The following FUT8 variants were observed in gnomAD, a reference collection of about 807,000 sequenced individuals.
The protein encoded by FUT8 is alpha-(1,6)-fucosyltransferase.
A neutral mutation model predicts 71.3 loss-of-function variants in FUT8; 29 were observed. The ratio of observed to expected loss-of-function variants is 0.41; its 90% CI spans 0.30 to 0.55. The LOEUF is 0.55. Among genes scored for constraint, FUT8 ranks in the 20% least tolerant of loss-of-function variants. FUT8 has a pLI of 0.34. For synonymous variants in FUT8, 254 were observed against 239.3 expected, an observed-to-expected ratio of 1.06 and a Z score of -0.57; for missense variants, 544 against 702.1, an observed-to-expected ratio of 0.77 and a Z score of 2.55.
intron 1 of FUT8, among the ~76,000 whole-genome samples, chr14:65,422,672 ATATTTTT>A (rs1566737224): frequency 6.6e-6 from 1 of 151,392 alleles, no homozygotes; most frequent in Non-Finnish European, 1.5e-5. Flanking sequence ...TAATTTTTAA[ATATTTTT>A]TATTTTTTTG....
chr14:65,656,679 A>G (rs1331661874), intron 6 of FUT8, among the ~76,000 whole-genome samples: 11 of 152,206 alleles, frequency 7.2e-5, no homozygotes. Flanking sequence ...AGTCAAAGCT[A>G]TCCTGAGCAA....
At chr14:65,633,886 G>A (rs1251020957) in intron 6 of FUT8, among the ~76,000 whole-genome samples, 2 of 152,106 alleles carry the variant, frequency 1.3e-5, no homozygotes, top group East Asian at 3.9e-4. Flanking sequence ...GCCCTGTCCA[G>A]GAGGGAGGTG....
At chr14:65,519,520 T>C (rs1032735702) in intron 2 of FUT8, among the ~76,000 whole-genome samples, 6 of 152,240 alleles carry the variant, frequency 3.9e-5, no homozygotes, top group African/African-American at 1.4e-4. Flanking sequence ...CTGTATTCTT[T>C]ATGCACTTCT....
At chr14:65,445,067 C>T (rs968111796) in intron 1 of FUT8, among the ~76,000 whole-genome samples, 4 of 151,980 alleles carry the variant, frequency 2.6e-5, no homozygotes, top group Non-Finnish European at 2.9e-5. Context: ...ATTAGATGGG[C>T]GTGGTGGTGA....
chr14:65,435,026 A>G (rs529983641), intron 1 of FUT8, among the ~76,000 whole-genome samples: 4 of 152,172 alleles, frequency 2.6e-5, no homozygotes, highest in East Asian at 3.9e-4. Context: ...TCTATTCTCT[A>G]TGGCTACCAT....
intron 9 of FUT8, 74 bp downstream of exon 9, chr14:65,724,397 C>A: frequency 3.3e-6 from 3 of 913,896 alleles, no homozygotes; most frequent in South Asian, 1.9e-5. Flanking sequence ...CTTCCCATGA[C>A]TTGTGATTTT....
chr14:65,470,619 G>A (rs1018810914), intron 2 of FUT8, among the ~76,000 whole-genome samples: 1 of 152,176 alleles, frequency 6.6e-6, no homozygotes, highest in African/African-American at 2.4e-5. Context: ...ATAACTGTCC[G>A]GCCTGGCTGT....
intron 3 of FUT8, among the ~76,000 whole-genome samples, chr14:65,598,974 A>G (rs1888151596): frequency 6.6e-6 from 1 of 151,926 alleles, no homozygotes; most frequent in African/African-American, 2.4e-5. Context: ...GTATTTTAGT[A>G]AAGATGGGGT....
chr14:65,426,054 C>A (rs187599449), intron 1 of FUT8, among the ~76,000 whole-genome samples: 1 of 151,994 alleles, frequency 6.6e-6, no homozygotes, highest in Non-Finnish European at 1.5e-5. Context: ...CCATGCTGTA[C>A]GTTAGATCTC....
chr14:65,707,991 A>G (rs1052686391), intron 7 of FUT8, among the ~76,000 whole-genome samples: 1 of 152,048 alleles, frequency 6.6e-6, no homozygotes, highest in African/African-American at 2.4e-5. Flanking sequence ...TGTTTTTTCT[A>G]TTTCTGTGAA....
At chr14:65,597,255 G>A (rs1014016927) in intron 3 of FUT8, among the ~76,000 whole-genome samples, 6 of 152,082 alleles carry the variant, frequency 3.9e-5, no homozygotes, top group African/African-American at 1.4e-4. Flanking sequence ...TATTTTTCTG[G>A]ATAATGCAGC....
At chr14:65,709,367 A>T (rs1290474635) in intron 7 of FUT8, among the ~76,000 whole-genome samples, 1 of 152,200 alleles carries the variant, frequency 6.6e-6, no homozygotes, top group Non-Finnish European at 1.5e-5. Flanking sequence ...TTTAGGTGGC[A>T]TATGAGATTA....
chr14:65,596,648 T>C (rs1887996562), intron 3 of FUT8, among the ~76,000 whole-genome samples: 1 of 152,202 alleles, frequency 6.6e-6, no homozygotes, highest in African/African-American at 2.4e-5. Context: ...ACCTTTAGGG[T>C]AGCATAAGAA....
At chr14:65,444,730 A>G (rs2065712586) in intron 1 of FUT8, among the ~76,000 whole-genome samples, 1 of 152,224 alleles carries the variant, frequency 6.6e-6, no homozygotes, top group Admixed American at 6.5e-5. Context: ...AAAAAATAAA[A>G]CTGTAGTGGT....
intron 2 of FUT8, among the ~76,000 whole-genome samples, chr14:65,501,045 C>G (rs188544644): frequency 6.6e-6 from 1 of 152,212 alleles, no homozygotes; most frequent in African/African-American, 2.4e-5. Context: ...TTGGGAAGAC[C>G]GTTTTCCAAA....
intron 2 of FUT8, among the ~76,000 whole-genome samples, chr14:65,522,357 C>CT (rs552916801): frequency 2.5e-4 from 38 of 150,704 alleles, no homozygotes; most frequent in African/African-American, 6.1e-4. Flanking sequence ...GTGTTATTTC[C>CT]TTTTTTTTTA....
chr14:65,573,117 G>A (rs947921069), intron 3 of FUT8, among the ~76,000 whole-genome samples: 2 of 152,104 alleles, frequency 1.3e-5, no homozygotes, highest in Admixed American at 1.3e-4. Flanking sequence ...TTGGCTCAGT[G>A]GGGAGGGATA....
intron 10 of FUT8, among the ~76,000 whole-genome samples, chr14:65,737,528 G>T (rs1370132105): frequency 1.3e-5 from 2 of 152,080 alleles, no homozygotes; most frequent in East Asian, 1.9e-4. Flanking sequence ...CTAAAGCAAA[G>T]AATTTATAGT....
intron 2 of FUT8, among the ~76,000 whole-genome samples, chr14:65,470,840 C>CG (rs1283356911): frequency 2.6e-5 from 4 of 151,908 alleles, no homozygotes; most frequent in Admixed American, 2.6e-4. Context: ...AGCTCTGCAT[C>CG]GGTCTGCTCT....
Sources: allele counts gnomAD v4.1 joint callset (sites outside exome capture counted in the v4.1 genomes callset), GRCh38; gene constraint gnomAD v4.1.1; transcripts MANE v1.5; gene names NCBI Gene and HGNC (gene_info 2026-07-23, HGNC 2026-07-21).